CDKAL1: variants seen among roughly 807,000 people sequenced by gnomAD.
CDKAL1 encodes the protein threonylcarbamoyladenosine tRNA methylthiotransferase.
In CDKAL1, 32 loss-of-function variants were observed where a neutral mutation model predicts 68.2. The observed-to-expected ratio is 0.47, with a 90% CI of 0.35 to 0.63. The LOEUF (loss-of-function observed/expected upper bound fraction) is 0.63. CDKAL1 is among the 30% of genes least tolerant of loss of function. The pLI, the probability that CDKAL1 is intolerant of heterozygous loss-of-function variation, is 0.00. For synonymous variants in CDKAL1, 234 were observed against 244.3 expected, an observed-to-expected ratio of 0.96 and a Z score of 0.39; for missense variants, 606 against 696.7, an observed-to-expected ratio of 0.87 and a Z score of 1.47.
intron 9 of CDKAL1, among the ~76,000 whole-genome samples, chr6:20,892,114 G>A (rs1175620814): frequency 1.3e-5 from 2 of 152,162 alleles, no homozygotes; most frequent in South Asian, 2.1e-4. Context: ...TTTGGTTAAG[G>A]TAATGAAGAA....
At chr6:20,586,993 T>TTG (rs1765391568) in intron 4 of CDKAL1, among the ~76,000 whole-genome samples, 1 of 145,652 alleles carries the variant, frequency 6.9e-6, no homozygotes, top group South Asian at 2.2e-4. Context: ...TTTTTTTTTT[T>TTG]TTTTTTTTTT....
At chr6:20,814,570 A>G (rs1366370567) in intron 8 of CDKAL1, among the ~76,000 whole-genome samples, 2 of 152,204 alleles carry the variant, frequency 1.3e-5, no homozygotes, top group African/African-American at 4.8e-5. Flanking sequence ...GTGAGCCAAC[A>G]TGCCTGACCT....
intron 2 of CDKAL1, among the ~76,000 whole-genome samples, chr6:20,545,884 G>A (rs564066603): frequency 9.2e-5 from 14 of 152,172 alleles, no homozygotes; most frequent in African/African-American, 2.6e-4. Context: ...ACTTTATATC[G>A]AATGATTTAT....
At chr6:20,974,084 A>T (rs960038211) in intron 10 of CDKAL1, among the ~76,000 whole-genome samples, 10 of 152,244 alleles carry the variant, frequency 6.6e-5, no homozygotes, top group African/African-American at 2.4e-4. Flanking sequence ...TCTCTTTCAC[A>T]GTCCACAGAT....
chr6:21,219,903 C>T (rs941076212), intron 15 of CDKAL1, among the ~76,000 whole-genome samples: 3 of 152,186 alleles, frequency 2.0e-5, no homozygotes, highest in Admixed American at 6.5e-5. Flanking sequence ...TGTTTGTGAA[C>T]ATCCTGGCTC....
At chr6:20,727,373 A>G (rs898691473) in intron 5 of CDKAL1, among the ~76,000 whole-genome samples, 8 of 152,220 alleles carry the variant, frequency 5.3e-5, no homozygotes, top group African/African-American at 1.9e-4. Context: ...TACAGGGTTT[A>G]ACAAATGAAT....
intron 9 of CDKAL1, among the ~76,000 whole-genome samples, chr6:20,912,136 T>C (rs1762494495): frequency 6.6e-6 from 1 of 152,236 alleles, no homozygotes; most frequent in African/African-American, 2.4e-5. Context: ...ATTTCTGCTG[T>C]TTTTTGTGTG....
chr6:21,042,378 C>T (rs769359601), intron 11 of CDKAL1, among the ~76,000 whole-genome samples: 3 of 152,182 alleles, frequency 2.0e-5, no homozygotes, highest in Middle Eastern at 6.8e-3. Flanking sequence ...CTGGATGTAA[C>T]GTGGTCCCTG....
intron 5 of CDKAL1, among the ~76,000 whole-genome samples, chr6:20,683,673 C>T (rs901172406): frequency 5.3e-5 from 8 of 152,166 alleles, no homozygotes; most frequent in African/African-American, 1.9e-4. Context: ...TATCCCCCAT[C>T]AGAATGGTAC....
chr6:20,920,300 A>G (rs1463795423), intron 9 of CDKAL1, among the ~76,000 whole-genome samples: 1 of 152,198 alleles, frequency 6.6e-6, no homozygotes, highest in African/African-American at 2.4e-5. Flanking sequence ...GTACGCCTAC[A>G]AGTAAGAAGT....
chr6:20,940,284 C>A (rs1763907305), intron 9 of CDKAL1, among the ~76,000 whole-genome samples: 1 of 152,174 alleles, frequency 6.6e-6, no homozygotes, highest in Middle Eastern at 3.4e-3. Flanking sequence ...GAAGAATTTT[C>A]AGTTTCTGTT....
chr6:20,634,093 G>A (rs1204280942), intron 4 of CDKAL1, among the ~76,000 whole-genome samples: 3 of 152,176 alleles, frequency 2.0e-5, no homozygotes, highest in African/African-American at 7.2e-5. Context: ...CAGATGACTT[G>A]TGTTATTGAT....
At chr6:20,867,044 C>T (rs112313044) in intron 9 of CDKAL1, among the ~76,000 whole-genome samples, 3,816 of 152,246 alleles carry the variant, frequency 0.025, 138 homozygotes, top group African/African-American at 0.086. Flanking sequence ...ACTATTTCTT[C>T]ATACCGTGAA....
intron 13 of CDKAL1, among the ~76,000 whole-genome samples, chr6:21,172,316 T>C (rs1777421615): frequency 6.6e-6 from 1 of 152,200 alleles, no homozygotes; most frequent in Non-Finnish European, 1.5e-5. Flanking sequence ...GTTTTATTAT[T>C]CCTCTTCCAC....
At chr6:20,984,816 G>GC (rs1554152529) in intron 10 of CDKAL1, among the ~76,000 whole-genome samples, 15 of 145,526 alleles carry the variant, frequency 1.0e-4, no homozygotes, top group Middle Eastern at 3.5e-3. Context: ...AGTAACGGGG[G>GC]GGGGTGGGGA....
At chr6:20,583,783 C>T (rs1247084216) in intron 4 of CDKAL1, among the ~76,000 whole-genome samples, 6 of 119,450 alleles carry the variant, frequency 5.0e-5, no homozygotes, top group Non-Finnish European at 7.5e-5. Flanking sequence ...TTAGTAAAAG[C>T]GCCCCCCCCC....
Position 20,874,151 on chromosome 6 carries a change from G to A in CDKAL1, c.742+27973G>A, listed in dbSNP as rs1188297928. Among the ~76,000 whole-genome samples the A allele has an allele frequency of 2.6e-5, 4 of 152,120 alleles. No individual in the cohort carries two copies. In the East Asian group the frequency reaches 7.7e-4, roughly 29 times the overall value. ...GGGAGATGGCTAAAGCCCCATAAAAGCTACTCTTTGGTGCCCTCAACCATG... is the reference window on the plus strand; with the variant it reads ...GGGAGATGGCTAAAGCCCCATAAAAACTACTCTTTGGTGCCCTCAACCATG... On this transcript the variant is annotated intron_variant, in intron 9 of 15. Coordinates refer to ENST00000274695, the MANE Select transcript of CDKAL1 (RefSeq NM_017774.3).
chr6:20,714,774 GTATA>G (rs1772014097), intron 5 of CDKAL1, among the ~76,000 whole-genome samples: 1 of 151,912 alleles, frequency 6.6e-6, no homozygotes, highest in Non-Finnish European at 1.5e-5. Flanking sequence ...TTTTAAACTT[GTATA>G]TTAAAATAAA....
At chr6:20,853,407 A>AC (rs1561832748) in intron 9 of CDKAL1, among the ~76,000 whole-genome samples, 25 of 137,154 alleles carry the variant, frequency 1.8e-4, no homozygotes, top group African/African-American at 6.2e-4. Flanking sequence ...AAAAACAAAA[A>AC]AAAAAACCCT....
Sources: gnomAD v4.1 joint callset for allele counts (sites outside exome capture counted in the v4.1 genomes callset) on GRCh38, gnomAD v4.1.1 for gene constraint, MANE v1.5 for transcripts, NCBI Gene and HGNC (gene_info 2026-07-23, HGNC 2026-07-21) for gene names.